Variants in ARHGAP22 observed in about 807,000 individuals in gnomAD.
The protein encoded by ARHGAP22 is Rho GTPase activating protein 22.
In ARHGAP22, 48 loss-of-function variants were observed where a neutral mutation model predicts 59.1. The observed-to-expected ratio is 0.81, with a 90% confidence interval of 0.64 to 1.03. The LOEUF is 1.03. ARHGAP22 is among the 50% of genes least tolerant of loss of function. The pLI, the probability that ARHGAP22 is intolerant of heterozygous loss-of-function variation, is 0.00. For missense variants in ARHGAP22, 1,015 were observed against 958.7 expected, an observed-to-expected ratio of 1.06 and a Z score of -0.78; for synonymous variants, 445 against 416.4, an observed-to-expected ratio of 1.07 and a Z score of -0.84.
chr10:48,479,627 G>C lies in ARHGAP22; in HGVS notation c.451+9C>G, dbSNP rs756090612. 21 of 1,613,790 alleles carry C rather than the reference G, an allele frequency of 1.3e-5. 1 individual carries two copies. In the East Asian group the frequency reaches 4.0e-4, roughly 31 times the overall value. On this transcript the variant is annotated intron_variant, in intron 4 of 9. Coordinates refer to ENST00000249601, the MANE Select transcript of ARHGAP22 (RefSeq NM_021226.4). ...TCTAGAGGGTGGGCATGCGATCTAC[G>C]GGCAGTACCTCCGCCCAGCGGGGCC...
chr10:48,652,159 G>A, intron 1 of ARHGAP22: 1 of 1,396,476 alleles, frequency 7.2e-7, no homozygotes, highest in Admixed American at 2.0e-5. Context: ...ACAGCCTCCG[G>A]GGACCCCATC....
chr10:48,460,475 A>G (rs1457958654), intron 4 of ARHGAP22, among the ~76,000 whole-genome samples: 1 of 152,258 alleles, frequency 6.6e-6, no homozygotes, highest in East Asian at 1.9e-4. Context: ...AAGATCAGAT[A>G]GTAACAAGTG....
At chr10:48,509,913 AAGAAGTACTAAC>A in intron 3 of ARHGAP22, among the ~76,000 whole-genome samples, 1 of 152,250 alleles carries the variant, frequency 6.6e-6, no homozygotes, top group Non-Finnish European at 1.5e-5. Flanking sequence ...TCCCACAGTC[AAGAAGTACTAAC>A]AGAACGCTTT....
At chr10:48,566,191 C>G (rs746585078) in intron 2 of ARHGAP22, among the ~76,000 whole-genome samples, 2 of 152,208 alleles carry the variant, frequency 1.3e-5, no homozygotes, top group African/African-American at 4.8e-5. Flanking sequence ...CCTCCACAGG[C>G]AGCATCTTGG....
the ARHGAP22 span, among the ~76,000 whole-genome samples, chr10:48,431,987 T>C: frequency 6.6e-6 from 1 of 152,198 alleles, no homozygotes; most frequent in Non-Finnish European, 1.5e-5. Flanking sequence ...GTTCAGAAAT[T>C]TGAAGTAACA....
intron 2 of ARHGAP22, among the ~76,000 whole-genome samples, chr10:48,578,355 T>C (rs1399278452): frequency 6.6e-6 from 1 of 152,190 alleles, no homozygotes; most frequent in Non-Finnish European, 1.5e-5. Context: ...TCTCCCCTCA[T>C]GTTCTTTCCA....
At chr10:48,585,342 C>CGGG (rs1338859468) in intron 1 of ARHGAP22, among the ~76,000 whole-genome samples, 1 of 152,142 alleles carries the variant, frequency 6.6e-6, no homozygotes, top group Non-Finnish European at 1.5e-5. Context: ...CCCAGAGCTC[C>CGGG]GGGCCTTCAC....
intron 2 of ARHGAP22, among the ~76,000 whole-genome samples, chr10:48,569,414 C>T (rs1385592782): frequency 6.6e-6 from 1 of 152,244 alleles, no homozygotes; most frequent in Non-Finnish European, 1.5e-5. Context: ...TCAACTGTAA[C>T]TCAGTATTCC....
At chr10:48,564,681 T>C (rs1299105597) in intron 2 of ARHGAP22, among the ~76,000 whole-genome samples, 1 of 152,244 alleles carries the variant, frequency 6.6e-6, no homozygotes, top group East Asian at 1.9e-4. Flanking sequence ...CAGGCCAGCC[T>C]GCACAGTGTT....
chr10:48,434,549 G>A, the ARHGAP22 span, among the ~76,000 whole-genome samples: 4 of 152,122 alleles, frequency 2.6e-5, no homozygotes, highest in African/African-American at 7.2e-5. Context: ...TGTATTATCA[G>A]CAGTATTCAC....
chr10:48,594,222 G>A lies in ARHGAP22; in HGVS notation c.34+10541C>T, dbSNP rs532499664. Among the ~76,000 whole-genome samples the A allele has an allele frequency of 3.1e-4, 47 of 152,304 alleles. No homozygotes were observed. In the South Asian group the frequency reaches 7.0e-3, roughly 23 times the overall value. ...AGACTAACACCGATCAGCCCACAAC[G>A]AACAGGCCAGGATGCTGGTGGAAGC... On this transcript the variant is annotated intron_variant, in intron 1 of 9. Transcript: ENST00000249601.
chr10:48,550,792 C>G (rs1231903115), intron 3 of ARHGAP22, among the ~76,000 whole-genome samples: 8 of 152,226 alleles, frequency 5.3e-5, no homozygotes, highest in Non-Finnish European at 4.4e-5. Context: ...GGAGAATAAA[C>G]ATGAAATGGT....
intron 3 of ARHGAP22, among the ~76,000 whole-genome samples, chr10:48,525,308 C>T (rs1224665722): frequency 6.6e-5 from 10 of 152,204 alleles, no homozygotes; most frequent in East Asian, 1.9e-4. Context: ...CATGGTGGCT[C>T]GTGCTTGCAA....
chr10:48,526,031 C>G (rs1189864739), intron 3 of ARHGAP22, among the ~76,000 whole-genome samples: 1 of 152,150 alleles, frequency 6.6e-6, no homozygotes, highest in Non-Finnish European at 1.5e-5. Context: ...CCCCCAGTTC[C>G]TAGGATCTGT....
At chr10:48,651,105 A>C (rs918226476) in intron 1 of ARHGAP22, among the ~76,000 whole-genome samples, 1 of 152,194 alleles carries the variant, frequency 6.6e-6, no homozygotes, top group Admixed American at 6.5e-5. Flanking sequence ...ATCACCTGGG[A>C]CTTTAAAAAT....
intron 3 of ARHGAP22, among the ~76,000 whole-genome samples, chr10:48,500,093 T>A (rs1024768054): frequency 1.3e-5 from 2 of 152,220 alleles, no homozygotes; most frequent in Admixed American, 1.3e-4. Context: ...ATCCTAATAC[T>A]TTGGGAGGCC....
At chr10:48,458,315 G>T (rs61838724) in intron 5 of ARHGAP22, among the ~76,000 whole-genome samples, 7,309 of 152,104 alleles carry the variant, frequency 0.048, 246 homozygotes, top group African/African-American at 0.086. Context: ...CGAGAGTCAG[G>T]TCTGCATGGA....
intron 3 of ARHGAP22, chr10:48,493,452 C>A: frequency 6.5e-7 from 1 of 1,536,114 alleles, no homozygotes; most frequent in Non-Finnish European, 8.7e-7. Context: ...TGGGCATACG[C>A]CTGCTCCTCT....
At chr10:48,576,517 A>T (rs1379648299) in intron 2 of ARHGAP22, among the ~76,000 whole-genome samples, 1 of 152,030 alleles carries the variant, frequency 6.6e-6, no homozygotes, top group Non-Finnish European at 1.5e-5. Context: ...CCTGTTACCA[A>T]CTCACTCCCC....
Sources: gnomAD v4.1 joint callset for allele counts (sites outside exome capture counted in the v4.1 genomes callset) on GRCh38, gnomAD v4.1.1 for gene constraint, MANE v1.5 for transcripts, NCBI Gene and HGNC (gene_info 2026-07-23, HGNC 2026-07-21) for gene names.